Variants in IGF1R observed in about 807,000 individuals in gnomAD.
The protein encoded by IGF1R is insulin like growth factor 1 receptor.
Under a neutral mutation model 144.6 loss-of-function variants are expected in IGF1R, and 44 were observed. The ratio of observed to expected loss-of-function variants is 0.30; its 90% CI spans 0.24 to 0.39. The LOEUF (loss-of-function observed/expected upper bound fraction) is 0.39. Among genes scored for constraint, IGF1R ranks in the 10% least tolerant of loss-of-function variants. The probability of loss-of-function intolerance (pLI) is 1.00; values close to 1 mark genes in which losing one functional copy is unlikely to be tolerated. For synonymous variants in IGF1R, 795 were observed against 722.8 expected, an observed-to-expected ratio of 1.10 and a Z score of -1.60; for missense variants, 1,355 against 1,833.7, an observed-to-expected ratio of 0.74 and a Z score of 4.77.
intron 3 of IGF1R, among the ~76,000 whole-genome samples, chr15:98,895,356 G>C (rs1053897127): frequency 1.3e-5 from 2 of 151,994 alleles, no homozygotes; most frequent in African/African-American, 2.4e-5. Context: ...GGATCTCTCT[G>C]TAACTTTCTC....
At chr15:98,920,212 G>C (rs1169327299) in intron 10 of IGF1R, among the ~76,000 whole-genome samples, 1 of 152,178 alleles carries the variant, frequency 6.6e-6, no homozygotes, top group Non-Finnish European at 1.5e-5. Flanking sequence ...GTACGATTTG[G>C]AAATGTAGTT....
Position 98,911,186 on chromosome 15 carries a change from G to A in IGF1R, c.1463-129G>A, listed in dbSNP as rs575451753. 36 of 1,003,656 alleles carry A rather than the reference G, an allele frequency of 3.6e-5. No individual in the cohort carries two copies. In the South Asian group the frequency reaches 4.6e-4, roughly 13 times the overall value. 62.2% of individuals were successfully genotyped at this position (1,003,656 alleles called of 1,614,324 possible). ...CTTAGTGGAAAACGAGAAAGCCACT[G>A]AGGAAGCCCAGAAGGGAACTTAGCA... On this transcript the variant is annotated intron_variant, in intron 6 of 20. Transcript: ENST00000650285.
chr15:98,860,363 C>G (rs1488116629), intron 2 of IGF1R, among the ~76,000 whole-genome samples: 1 of 152,208 alleles, frequency 6.6e-6, no homozygotes, highest in African/African-American at 2.4e-5. Flanking sequence ...AGATTTTGAA[C>G]TCCGTGAAAG....
At chr15:98,721,133 G>A (rs192495490) in intron 2 of IGF1R, among the ~76,000 whole-genome samples, 3 of 152,196 alleles carry the variant, frequency 2.0e-5, no homozygotes, top group Admixed American at 6.5e-5. Context: ...TACGCTCTTC[G>A]TGGTTTCTCC....
At chr15:98,817,289 G>A (rs371382308) in intron 2 of IGF1R, among the ~76,000 whole-genome samples, 3 of 144,132 alleles carry the variant, frequency 2.1e-5, no homozygotes, top group South Asian at 4.7e-4. Context: ...GCAGCAGAGC[G>A]AGAATCTGTC....
chr15:98,885,944 G>T (rs1230561970), intron 2 of IGF1R, among the ~76,000 whole-genome samples: 2 of 151,644 alleles, frequency 1.3e-5, no homozygotes, highest in Non-Finnish European at 2.9e-5. Flanking sequence ...AGCCTCCCAA[G>T]TAGCTGGGAT....
chr15:98,860,433 C>G (rs902641174), intron 2 of IGF1R, among the ~76,000 whole-genome samples: 7 of 152,164 alleles, frequency 4.6e-5, no homozygotes, highest in Admixed American at 1.3e-4. Flanking sequence ...TTTGTCAGAT[C>G]GAGCAATGAC....
intron 1 of IGF1R, among the ~76,000 whole-genome samples, chr15:98,654,624 T>C (rs2052444234): frequency 6.6e-6 from 1 of 152,150 alleles, no homozygotes; most frequent in Non-Finnish European, 1.5e-5. Context: ...CCCCAATTTG[T>C]TTTCAAAACT....
chr15:98,963,645 CAG>C lies in IGF1R; in HGVS notation c.*6204_*6205del, dbSNP rs942797105. 2.1e-5 allele frequency: 5 copies of C among 233,184 alleles called. No individual in the cohort carries two copies. Among genetic ancestry groups the C allele is most frequent in the African/African-American group, 1.1e-4 (5 of 45,342 alleles). 14.4% of individuals were successfully genotyped at this position (233,184 alleles called of 1,614,324 possible). A position where few individuals can be genotyped will look rare whatever the true frequency, so the allele number is the denominator to read the frequency against. Reference sequence around the variant, plus strand: ...GTTTTCATGATGATTACAGCATACACAGTGATCACATAAACGATGACAGCTAT... The same window carrying C: ...GTTTTCATGATGATTACAGCATACACTGATCACATAAACGATGACAGCTAT... On this transcript the variant is annotated 3_prime_UTR_variant, in exon 21 of 21. Transcript: ENST00000650285.
intron 3 of IGF1R, chr15:98,893,632 A>ATC (rs1219140207): frequency 1.3e-5 from 2 of 152,200 alleles, no homozygotes; most frequent in Non-Finnish European, 2.9e-5. Flanking sequence ...TCAGTGTGCT[A>ATC]TCGTCTTTGT....
intron 2 of IGF1R, among the ~76,000 whole-genome samples, chr15:98,816,361 G>A (rs117340643): frequency 1.7e-4 from 26 of 152,230 alleles, no homozygotes; most frequent in Non-Finnish European, 1.8e-4. Context: ...ATCATTCATC[G>A]CATTGCCATA....
At chr15:98,867,029 A>G (rs569710228) in intron 2 of IGF1R, among the ~76,000 whole-genome samples, 12 of 152,230 alleles carry the variant, frequency 7.9e-5, no homozygotes, top group Admixed American at 7.2e-4. Context: ...CCGCCTCTCC[A>G]TTTGTGACTG....
At chr15:98,940,929 G>A (rs768390520) in intron 18 of IGF1R, among the ~76,000 whole-genome samples, 2 of 152,170 alleles carry the variant, frequency 1.3e-5, no homozygotes, top group Non-Finnish European at 2.9e-5. Context: ...CCAAGAGGCC[G>A]TCCTGCCTCA....
chr15:98,757,157 C>G (rs781595639), intron 2 of IGF1R, among the ~76,000 whole-genome samples: 37 of 151,968 alleles, frequency 2.4e-4, no homozygotes, highest in African/African-American at 8.5e-4. Context: ...GTTAATGATG[C>G]ACCTTTTATA....
chr15:98,681,314 G>T (rs1006611092), intron 1 of IGF1R, among the ~76,000 whole-genome samples: 1 of 152,106 alleles, frequency 6.6e-6, no homozygotes. Flanking sequence ...CATACACCTC[G>T]TTGTTCAGTT....
At chr15:98,737,199 C>T (rs1473266932) in intron 2 of IGF1R, among the ~76,000 whole-genome samples, 1 of 152,174 alleles carries the variant, frequency 6.6e-6, no homozygotes, top group Non-Finnish European at 1.5e-5. Context: ...ACTCATCTGA[C>T]TTACACAGTG....
At chr15:98,904,985 A>G (rs547988031) in intron 5 of IGF1R, among the ~76,000 whole-genome samples, 1 of 152,352 alleles carries the variant, frequency 6.6e-6, no homozygotes, top group East Asian at 1.9e-4. Flanking sequence ...AACTGGCCTC[A>G]GCCAGAAAAG....
intron 2 of IGF1R, among the ~76,000 whole-genome samples, chr15:98,760,181 A>G (rs1162622612): frequency 6.8e-6 from 1 of 147,682 alleles, no homozygotes; most frequent in Non-Finnish European, 1.5e-5. Context: ...TCTCTACTTA[A>G]AAAAAAAAAA....
chr15:98,886,156 A>G (rs1014292434), intron 2 of IGF1R, among the ~76,000 whole-genome samples: 14 of 152,084 alleles, frequency 9.2e-5, no homozygotes, highest in African/African-American at 3.1e-4. Flanking sequence ...TGCACTAATG[A>G]TTATTTAAAA....
Sources: allele counts gnomAD v4.1 joint callset (sites outside exome capture counted in the v4.1 genomes callset), GRCh38; gene constraint gnomAD v4.1.1; transcripts MANE v1.5; gene names NCBI Gene and HGNC (gene_info 2026-07-23, HGNC 2026-07-21).